Variants in DHRS3 observed in about 807,000 individuals in gnomAD.
DHRS3 encodes the protein dehydrogenase/reductase 3.
Under a neutral mutation model 27.2 loss-of-function variants are expected in DHRS3, and 14 were observed. The ratio of observed to expected loss-of-function variants is 0.52; its 90% CI spans 0.34 to 0.81. DHRS3 has a LOEUF of 0.81. DHRS3 is among the 30% of genes least tolerant of loss of function. DHRS3 has a pLI of 0.01. For missense variants in DHRS3, 322 were observed against 406.2 expected (o/e 0.79, Z 1.78); for synonymous variants, 165 against 175.9 (o/e 0.94, Z 0.49).
chr1:12,582,048 G>C (rs1263550110), intron 1 of DHRS3, among the ~76,000 whole-genome samples: 1 of 152,186 alleles, frequency 6.6e-6, no homozygotes, highest in Non-Finnish European at 1.5e-5. Context: ...AGAACAAAAT[G>C]GCTGCTTTGG....
Position 12,591,145 on chromosome 1 carries a change from T to C in DHRS3, c.196-10479A>G, listed in dbSNP as rs1271225276. On this transcript the variant is annotated intron_variant, in intron 1 of 5. Coordinates refer to ENST00000616661, the MANE Select transcript of DHRS3 (RefSeq NM_004753.7). The surrounding 1 kb of genome is among the most constrained non-coding windows in gnomAD (Gnocchi z 4.1). The stretch of plus-strand genomic sequence containing the variant: ...AGCAAGGGGGATCTATATCTGTTGC[T>C]GTACTAATAAAAATAGTAACAGCTA... Among the ~76,000 whole-genome samples the C allele has an allele frequency of 6.6e-6, 1 of 152,244 alleles. No homozygotes were observed. The highest frequency in any genetic ancestry group is 1.9e-4 in the East Asian group (1 of 5,190).
intron 1 of DHRS3, among the ~76,000 whole-genome samples, chr1:12,606,696 C>T (rs111923404): frequency 0.16 from 23,642 of 151,556 alleles, 1,902 homozygotes; most frequent in East Asian, 0.25. Flanking sequence ...GGGGTTTCTC[C>T]ATGTTGGTCA....
intron 1 of DHRS3, among the ~76,000 whole-genome samples, chr1:12,588,773 C>T (rs751722270): frequency 5.9e-5 from 9 of 152,190 alleles, no homozygotes; most frequent in African/African-American, 1.9e-4. Context: ...TCAGCTGCAG[C>T]GCACCCTCCC....
At position 12,617,196 on chromosome 1, in the gene DHRS3, C is replaced by A. The variant is rs1273644391; in HGVS notation, c.153G>T (p.Gly51=). Residue 51 remains glycine, a synonymous_variant, in exon 1 of 6, where the codon GGG becomes GGT. Coordinates refer to ENST00000616661, the MANE Select transcript of DHRS3 (RefSeq NM_004753.7). ...VLITGGGRGI[G]RQLAREFAER... Reference sequence around the variant, plus strand: ...CCGCGAACTCGCGGGCGAGCTGACGCCCGATGCCTCTCCCGCCGCCGGTGA... The same window carrying A: ...CCGCGAACTCGCGGGCGAGCTGACGACCGATGCCTCTCCCGCCGCCGGTGA... The A allele has an allele frequency of 1.5e-5, 24 of 1,613,012 alleles. 1 individual carries two copies. The South Asian group carries it at 2.6e-4, about 18-fold the overall frequency.
At chr1:12,588,914 T>C (rs909202406) in intron 1 of DHRS3, among the ~76,000 whole-genome samples, 3 of 152,152 alleles carry the variant, frequency 2.0e-5, no homozygotes, top group Non-Finnish European at 4.4e-5. Context: ...ATGGGCCCCA[T>C]GTTTTGGAGC....
chr1:12,572,872 A>G lies in DHRS3; in HGVS notation c.699-19T>C. The G allele has an allele frequency of 6.3e-7, 1 of 1,576,016 alleles. No individual in the cohort carries two copies. Among genetic ancestry groups the G allele is most frequent in the Non-Finnish European group, 8.6e-7 (1 of 1,161,284 alleles). On this transcript the variant is annotated intron_variant, in intron 4 of 5. Transcript: ENST00000616661. Reference sequence around the variant, plus strand: ...GGGAAACCTGAACACAGGAAGAGACACAGTGGGTTTCTCCTGGAGAGGCAT... The same window carrying G: ...GGGAAACCTGAACACAGGAAGAGACGCAGTGGGTTTCTCCTGGAGAGGCAT...
At chr1:12,600,563 A>G (rs1424336208) in intron 1 of DHRS3, among the ~76,000 whole-genome samples, 1 of 152,162 alleles carries the variant, frequency 6.6e-6, no homozygotes, top group Non-Finnish European at 1.5e-5. Flanking sequence ...TGCCCTTTAC[A>G]GTCACACTGG....
chr1:12,616,569 C>T, intron 1 of DHRS3: 1 of 986,310 alleles, frequency 1.0e-6, no homozygotes. Flanking sequence ...CCCTGGCCTC[C>T]TCTTTCCTGC....
intron 1 of DHRS3, among the ~76,000 whole-genome samples, chr1:12,598,740 G>C (rs571060011): frequency 6.6e-6 from 1 of 152,292 alleles, no homozygotes; most frequent in African/African-American, 2.4e-5. Flanking sequence ...TTTCAGATAA[G>C]GGTCTGTAGA....
At chr1:12,583,895 A>C in intron 1 of DHRS3, among the ~76,000 whole-genome samples, 2 of 149,418 alleles carry the variant, frequency 1.3e-5, no homozygotes, top group East Asian at 2.0e-4. Context: ...CCATCCATTT[A>C]CTCACCTGCC....
At position 12,591,780 on chromosome 1, in the gene DHRS3, C is replaced by A. The variant is rs1358347161; in HGVS notation, c.196-11114G>T. ...TGCCCTTGGCCACTGACTTTACCTGCGGGAGCAAAATGACCCCACGAAACA... is the reference window on the plus strand; with the variant it reads ...TGCCCTTGGCCACTGACTTTACCTGAGGGAGCAAAATGACCCCACGAAACA... On this transcript the variant is annotated intron_variant, in intron 1 of 5. Coordinates refer to ENST00000616661, the MANE Select transcript of DHRS3 (RefSeq NM_004753.7). This position sits in a 1 kb window ranked among gnomAD's most constrained non-coding sequence, Gnocchi z 4.1. Among the ~76,000 whole-genome samples, 1 of 152,194 alleles carries A rather than the reference C, an allele frequency of 6.6e-6. No individual in the cohort carries two copies. The highest frequency in any genetic ancestry group is 1.9e-4 in the East Asian group (1 of 5,202).
At chr1:12,603,669 G>A (rs955342300) in intron 1 of DHRS3, among the ~76,000 whole-genome samples, 4 of 152,140 alleles carry the variant, frequency 2.6e-5, no homozygotes, top group Non-Finnish European at 5.9e-5. Context: ...ACAGGAGACC[G>A]TGTTCCCTAG....
chr1:12,592,403 A>G lies in DHRS3; in HGVS notation c.196-11737T>C, dbSNP rs2100692313. On this transcript the variant is annotated intron_variant, in intron 1 of 5. Transcript: ENST00000616661. The surrounding 1 kb of genome is among the most constrained non-coding windows in gnomAD (Gnocchi z 4.2). Reference sequence around the variant, plus strand: ...CTGGGTTAGGGTGGGCTCTGAGTCTAAGGACTAGTGTCCTCATGAGAGACA... The same window carrying G: ...CTGGGTTAGGGTGGGCTCTGAGTCTGAGGACTAGTGTCCTCATGAGAGACA... Among the ~76,000 whole-genome samples the G allele has an allele frequency of 6.6e-6, 1 of 152,266 alleles. No homozygotes were observed. The highest frequency in any genetic ancestry group is 2.1e-4 in the South Asian group (1 of 4,830).
Position 12,568,175 on chromosome 1 carries a change from G to A in DHRS3, c.*165C>T. ...GGTCAGTTATACCCATCAGTCCTGT[G>A]CAAAGGTCCTGGGACTGGCCCAGGG... On this transcript the variant is annotated 3_prime_UTR_variant, in exon 6 of 6. Coordinates refer to ENST00000616661, the MANE Select transcript of DHRS3 (RefSeq NM_004753.7). 2 of 651,210 alleles carry A rather than the reference G, an allele frequency of 3.1e-6. No homozygotes were observed. The highest frequency in any genetic ancestry group is 3.5e-5 in the South Asian group (2 of 57,588). 40.3% of individuals were successfully genotyped at this position (651,210 alleles called of 1,614,324 possible). A position where few individuals can be genotyped will look rare whatever the true frequency, so the allele number is the denominator to read the frequency against.
rs370501806 is a variant in DHRS3 at position 12,578,642 on chromosome 1, C to G, written c.698+76G>C. 11 of 1,409,732 alleles carry G rather than the reference C, an allele frequency of 7.8e-6. No homozygotes were observed. Among genetic ancestry groups the G allele is most frequent in the East Asian group, 4.6e-5 (2 of 43,416 alleles). The allele number at this position is 1,409,732 out of a possible 1,614,324, so 87.3% of individuals were successfully genotyped here. A position where few individuals can be genotyped will look rare whatever the true frequency, so the allele number is the denominator to read the frequency against. ...CCCGATTTTTATATCAGAGCTCTTT[C>G]TGCAGTTGGCTGACTGAATGGCTTG... On this transcript the variant is annotated intron_variant, in intron 4 of 5. Coordinates refer to ENST00000616661, the MANE Select transcript of DHRS3 (RefSeq NM_004753.7). The surrounding 1 kb of genome is among the most constrained non-coding windows in gnomAD (Gnocchi z 4.5).
intron 1 of DHRS3, 140 bp from the exon 2 acceptor site, chr1:12,580,806 C>T (rs1317487610): frequency 4.0e-6 from 4 of 997,760 alleles, no homozygotes; most frequent in East Asian, 2.6e-5. Context: ...ATAAAGAATA[C>T]AACATAGATT....
chr1:12,587,096 A>G (rs1476492661), intron 1 of DHRS3, among the ~76,000 whole-genome samples: 2 of 152,114 alleles, frequency 1.3e-5, no homozygotes, highest in East Asian at 3.8e-4. Flanking sequence ...ATGTTCAGAC[A>G]AAAGGGGTGC....
At chr1:12,603,734 G>A (rs758081507) in intron 1 of DHRS3, among the ~76,000 whole-genome samples, 17 of 152,214 alleles carry the variant, frequency 1.1e-4, no homozygotes, top group South Asian at 4.1e-4. Flanking sequence ...CAAAATCCCC[G>A]AAAGGCTGCT....
intron 1 of DHRS3, among the ~76,000 whole-genome samples, chr1:12,585,759 C>T (rs376541862): frequency 1.7e-3 from 258 of 152,332 alleles, no homozygotes; most frequent in African/African-American, 6.1e-3. Flanking sequence ...ACCTGCACAG[C>T]TGACAGGACA....
Sources: allele counts gnomAD v4.1 joint callset (sites outside exome capture counted in the v4.1 genomes callset), GRCh38; gene constraint gnomAD v4.1.1; non-coding constraint Gnocchi (gnomAD v3.1); transcripts MANE v1.5; gene names NCBI Gene and HGNC (gene_info 2026-07-23, HGNC 2026-07-21).